PRKACA: variants seen among roughly 807,000 people sequenced by gnomAD.
PRKACA encodes cAMP-dependent protein kinase catalytic subunit alpha.
PRKACA carries 9 observed loss-of-function variants against 45.8 expected under a neutral mutation model. That is an observed-to-expected ratio of 0.20 (90% CI 0.12 to 0.34). The LOEUF (loss-of-function observed/expected upper bound fraction) is 0.34, where lower values mean the gene tolerates loss of function less well. Among genes scored for constraint, PRKACA ranks in the 10% least tolerant of loss-of-function variants. The pLI is 1.00. For synonymous variants in PRKACA, 160 were observed against 178.6 expected, an observed-to-expected ratio of 0.90 and a Z score of 0.83; for missense variants, 238 against 458.6, an observed-to-expected ratio of 0.52 and a Z score of 4.39.
chr19:14,094,184 T>TG (rs1287780031), intron 8 of PRKACA, among the ~76,000 whole-genome samples: 93 of 84,144 alleles, frequency 1.1e-3, no homozygotes, highest in African/African-American at 3.3e-3. Flanking sequence ...TTTCTTTTTT[T>TG]GAAAAAAAAA....
rs1395086638 is a variant in PRKACA, at chr19:14,102,932, G to A, written c.238-18C>T. 6.3e-7 allele frequency: 1 copy of A among 1,598,740 alleles called. No individual in the cohort carries two copies. The highest frequency in any genetic ancestry group is 8.6e-7 in the Non-Finnish European group (1 of 1,165,960). On this transcript the variant is annotated intron_variant, in intron 3 of 9. Transcript: ENST00000308677. ...TTCACCACCTGGGAAGGGAAGGAGG[G>A]GAGGGCAGAAAGGAGGGGGAGGTGA...
intron 1 of PRKACA, among the ~76,000 whole-genome samples, chr19:14,112,818 C>G (rs1798098125): frequency 6.6e-6 from 1 of 152,144 alleles, no homozygotes; most frequent in African/African-American, 2.4e-5. Flanking sequence ...CAGAGGACAG[C>G]GCCTGATGTG....
rs942759891 is a variant in PRKACA at position 14,107,334 on chromosome 19, C to G, written c.108+14G>C. The G allele has an allele frequency of 6.2e-7, 1 of 1,612,884 alleles. No individual in the cohort carries two copies. Among genetic ancestry groups the G allele is most frequent in the Admixed American group, 1.7e-5 (1 of 59,982 alleles). ...AGCTCACCCCTCCCTGGGCTCTGCA[C>G]CCGGCAGCCTTACCTGAGCGGGACT... On this transcript the variant is annotated intron_variant, in intron 2 of 9. Transcript: ENST00000308677.
At chr19:14,105,259 C>A (rs41296278) in intron 3 of PRKACA, among the ~76,000 whole-genome samples, 2 of 152,058 alleles carry the variant, frequency 1.3e-5, no homozygotes, top group Non-Finnish European at 2.9e-5. Context: ...CATCTGTAAT[C>A]CCAGCACTTT....
rs1177123334 is a variant in PRKACA, at chr19:14,107,221, G to A, written c.108+127C>T. 4 of 1,041,650 alleles carry A rather than the reference G, an allele frequency of 3.8e-6. No individual in the cohort carries two copies. The African/African-American group carries it at 4.8e-5, about 13-fold the overall frequency. 64.5% of individuals were successfully genotyped at this position (1,041,650 alleles called of 1,614,324 possible). On this transcript the variant is annotated intron_variant, in intron 2 of 9. Transcript: ENST00000308677. ...ACAGGAGCCCCCATGGGCACCTAGG[G>A]AGCAAATGGGGAGGGTCTGAAGCCT...
Position 14,102,890 on chromosome 19 carries a change from GT to G in PRKACA, c.261del (p.Glu87AspfsTer4). ...AGGATGCGCTTTTCATTCAGGGTGT[GT>G]TCGATCTGTTTCAGTTTCACCACCT... ...KQKVVKLKQI[E>X]HTLNEKRILQ... On this transcript the variant is annotated frameshift_variant, in exon 4 of 10. Coordinates refer to ENST00000308677, the MANE Select transcript of PRKACA (RefSeq NM_002730.4). LOFTEE classifies it high-confidence loss of function. 6.2e-7 allele frequency: 1 copy of G among 1,614,132 alleles called. No individual in the cohort carries two copies.
intron 3 of PRKACA, among the ~76,000 whole-genome samples, chr19:14,105,720 C>T (rs926807771): frequency 1.3e-5 from 2 of 152,016 alleles, no homozygotes; most frequent in East Asian, 3.9e-4. Flanking sequence ...GGACTACAGG[C>T]GTGCGCCACC....
chr19:14,093,519 C>A, intron 9 of PRKACA, 109 bp downstream of exon 9: 2 of 1,394,608 alleles, frequency 1.4e-6, no homozygotes, highest in Non-Finnish European at 2.0e-6. Context: ...GCTCTCTACT[C>A]TAGGTTGCTC....
chr19:14,109,057 T>C (rs1977695192), intron 1 of PRKACA, among the ~76,000 whole-genome samples: 1 of 147,816 alleles, frequency 6.8e-6, no homozygotes, highest in African/African-American at 2.5e-5. Flanking sequence ...GTATAAAATA[T>C]GGGGAGAGAG....
intron 1 of PRKACA, among the ~76,000 whole-genome samples, chr19:14,109,654 G>A (rs2144485472): frequency 6.7e-6 from 1 of 149,986 alleles, no homozygotes; most frequent in East Asian, 2.0e-4. Flanking sequence ...AATATGGGGA[G>A]CGATCGGGCA....
At chr19:14,093,897 AAGC>A (rs1254101808) in intron 8 of PRKACA, 105 bp from the exon 9 acceptor site, 1 of 1,213,256 alleles carries the variant, frequency 8.2e-7, no homozygotes, top group Non-Finnish European at 1.1e-6. Flanking sequence ...TGGGCCTCCA[AAGC>A]AGAGTGCCTG....
chr19:14,093,621 G>A lies in PRKACA; in HGVS notation c.930+7C>T. 1 of 1,611,610 alleles carries A rather than the reference G, an allele frequency of 6.2e-7. No individual in the cohort carries two copies. Among genetic ancestry groups the A allele is most frequent in the South Asian group, 1.1e-5 (1 of 90,750 alleles). ...ACCCTCAGCAGGCTTAAGGAGGGGA[G>A]GCCCACCTTCCTCTGGTAGATGGCA... is the stretch of plus-strand genomic sequence containing the variant. On this transcript the variant is annotated splice_region_variant and intron_variant, in intron 9 of 9. Coordinates refer to ENST00000308677, the MANE Select transcript of PRKACA (RefSeq NM_002730.4).
chr19:14,099,606 T>G (rs1016165526), intron 5 of PRKACA, among the ~76,000 whole-genome samples: 1 of 149,122 alleles, frequency 6.7e-6, no homozygotes, highest in African/African-American at 2.5e-5. Flanking sequence ...TTTTTTTTTT[T>G]GTATTTTTTT....
intron 1 of PRKACA, chr19:14,108,202 C>T: frequency 2.1e-6 from 2 of 968,944 alleles, no homozygotes; most frequent in Non-Finnish European, 2.5e-6. Context: ...AGTTCAGAGC[C>T]CAGCCTGGTC....
chr19:14,114,551 G>C (rs1345451495), intron 1 of PRKACA, among the ~76,000 whole-genome samples: 1 of 151,870 alleles, frequency 6.6e-6, no homozygotes, highest in Non-Finnish European at 1.5e-5. Context: ...CTGGGGATCG[G>C]GGGCTCCCTT....
intron 1 of PRKACA, chr19:14,115,076 G>A: frequency 1.0e-6 from 1 of 985,334 alleles, no homozygotes; most frequent in Non-Finnish European, 1.2e-6. Flanking sequence ...AGCAAAGAGG[G>A]ACTTCCTTCC....
In PRKACA at chr19:14,092,823, G is replaced by A; in HGVS notation, c.*289C>T. 2.1e-6 allele frequency: 1 copy of A among 483,152 alleles called. No individual in the cohort carries two copies. Among genetic ancestry groups the A allele is most frequent in the East Asian group, 3.0e-5 (1 of 33,622 alleles). 29.9% of individuals were successfully genotyped at this position (483,152 alleles called of 1,614,324 possible). On this transcript the variant is annotated 3_prime_UTR_variant, in exon 10 of 10. Coordinates refer to ENST00000308677, the MANE Select transcript of PRKACA (RefSeq NM_002730.4). ...GGAGTTGAGAAACTCGTTTAAAACA[G>A]GCAGAAGTGGGCTGGGAGGGCTGAG...
chr19:14,106,178 CCT>C (rs1185092725), intron 3 of PRKACA, among the ~76,000 whole-genome samples: 1 of 151,884 alleles, frequency 6.6e-6, no homozygotes, highest in Non-Finnish European at 1.5e-5. Context: ...AGCAAGACCC[CCT>C]GTCTAAAACA....
At chr19:14,094,449 A>G (rs1271800569) in intron 8 of PRKACA, among the ~76,000 whole-genome samples, 1 of 152,176 alleles carries the variant, frequency 6.6e-6, no homozygotes, top group Non-Finnish European at 1.5e-5. Context: ...TTGGCCTCCC[A>G]AAGTGTTGGG....
Sources: allele counts gnomAD v4.1 joint callset (sites outside exome capture counted in the v4.1 genomes callset), GRCh38; gene constraint gnomAD v4.1.1; transcripts MANE v1.5; gene names NCBI Gene and HGNC (gene_info 2026-07-23, HGNC 2026-07-21).